GRIA1: variants seen among roughly 807,000 people sequenced by gnomAD.
GRIA1 encodes the protein glutamate ionotropic receptor AMPA type subunit 1, also known as glutamate receptor 1.
Under a neutral mutation model 99.2 loss-of-function variants are expected in GRIA1, and 31 were observed. The observed-to-expected ratio is 0.31, with a 90% confidence interval of 0.23 to 0.42. The LOEUF is 0.42. Ranked by LOEUF, GRIA1 falls within the 10% of genes least tolerant of loss-of-function variation. GRIA1 has a pLI of 1.00. For synonymous variants in GRIA1, 438 were observed against 432.4 expected (o/e 1.01, Z -0.16); for missense variants, 782 against 1,157.5 (o/e 0.68, Z 4.71).
chr5:153,756,630 A>T (rs1018548123), intron 11 of GRIA1, among the ~76,000 whole-genome samples: 1 of 152,158 alleles, frequency 6.6e-6, no homozygotes, highest in African/African-American at 2.4e-5. Flanking sequence ...TTTCCCATAC[A>T]GCTCCAGTAC....
intron 10 of GRIA1, among the ~76,000 whole-genome samples, chr5:153,701,930 A>G (rs1758563816): frequency 1.3e-5 from 2 of 152,280 alleles, no homozygotes; most frequent in African/African-American, 4.8e-5. Flanking sequence ...AGCGTGTGCC[A>G]GGTGCTATGT....
chr5:153,526,080 G>C (rs926486201), intron 2 of GRIA1, among the ~76,000 whole-genome samples: 3 of 152,206 alleles, frequency 2.0e-5, no homozygotes, highest in African/African-American at 4.8e-5. Flanking sequence ...CTAGATTTCA[G>C]CCTTGGCTAC....
At chr5:153,506,882 G>A (rs1454953527) in intron 2 of GRIA1, among the ~76,000 whole-genome samples, 2 of 152,214 alleles carry the variant, frequency 1.3e-5, no homozygotes, top group East Asian at 3.9e-4. Flanking sequence ...CAGCACTTTG[G>A]GAGGCCAAGG....
chr5:153,599,215 T>C (rs1254481667), intron 2 of GRIA1, among the ~76,000 whole-genome samples: 1 of 152,188 alleles, frequency 6.6e-6, no homozygotes, highest in Non-Finnish European at 1.5e-5. Flanking sequence ...TCCTTCCTTT[T>C]TGGCTGATTG....
intron 2 of GRIA1, among the ~76,000 whole-genome samples, chr5:153,641,009 C>G (rs1753743334): frequency 1.3e-5 from 2 of 152,102 alleles, no homozygotes; most frequent in African/African-American, 4.8e-5. Flanking sequence ...GACAGGCACT[C>G]TTATTGTCCT....
intron 2 of GRIA1, among the ~76,000 whole-genome samples, chr5:153,564,716 A>G (rs534073936): frequency 1.3e-5 from 2 of 152,206 alleles, no homozygotes; most frequent in Non-Finnish European, 2.9e-5. Context: ...AGCTATGTCA[A>G]CAATGGAAGA....
At chr5:153,593,101 AC>A (rs1435867733) in intron 2 of GRIA1, among the ~76,000 whole-genome samples, 3 of 152,142 alleles carry the variant, frequency 2.0e-5, no homozygotes, top group African/African-American at 7.2e-5. Context: ...CCCTGTCTTT[AC>A]TAAAAATACA....
chr5:153,596,241 A>G (rs2149391672), intron 2 of GRIA1, among the ~76,000 whole-genome samples: 1 of 152,302 alleles, frequency 6.6e-6, no homozygotes. Context: ...TCTTTTTGGA[A>G]TGTTTAAAAA....
At chr5:153,792,790 A>G (rs1291821740) in intron 13 of GRIA1, among the ~76,000 whole-genome samples, 1 of 152,112 alleles carries the variant, frequency 6.6e-6, no homozygotes, top group Non-Finnish European at 1.5e-5. Flanking sequence ...CAGAGAGAGA[A>G]AGACAGAGAG....
chr5:153,636,841 T>C (rs1753396681), intron 2 of GRIA1, among the ~76,000 whole-genome samples: 1 of 152,250 alleles, frequency 6.6e-6, no homozygotes, highest in South Asian at 2.1e-4. Context: ...TGTTGGCTGT[T>C]ATTATTATCC....
At chr5:153,580,666 G>A (rs28544355) in intron 2 of GRIA1, among the ~76,000 whole-genome samples, 2,018 of 152,242 alleles carry the variant, frequency 0.013, 48 homozygotes, top group African/African-American at 0.046. Flanking sequence ...TCAGATGCAG[G>A]ATGTTCATCT....
intron 2 of GRIA1, among the ~76,000 whole-genome samples, chr5:153,511,557 G>A (rs34708615): frequency 0.028 from 4,254 of 152,240 alleles, 74 homozygotes; most frequent in South Asian, 0.043. Flanking sequence ...CTCATTGTGT[G>A]TACCCAACAA....
At chr5:153,544,582 T>A (rs1371175246) in intron 2 of GRIA1, among the ~76,000 whole-genome samples, 1 of 152,172 alleles carries the variant, frequency 6.6e-6, no homozygotes. Context: ...CCAAATTACA[T>A]AGGATTGCAA....
chr5:153,496,549 G>C (rs549507765), intron 2 of GRIA1, among the ~76,000 whole-genome samples: 18 of 152,140 alleles, frequency 1.2e-4, no homozygotes, highest in Non-Finnish European at 1.5e-4. Context: ...GATCCCAAAG[G>C]GGGTACTGGG....
At chr5:153,723,705 T>G (rs1005461789) in intron 11 of GRIA1, among the ~76,000 whole-genome samples, 1 of 151,736 alleles carries the variant, frequency 6.6e-6, no homozygotes, top group Non-Finnish European at 1.5e-5. Context: ...GCCCCCGCCA[T>G]TGCCCAGGCT....
At chr5:153,561,304 A>C (rs1171106764) in intron 2 of GRIA1, among the ~76,000 whole-genome samples, 1 of 152,192 alleles carries the variant, frequency 6.6e-6, no homozygotes, top group East Asian at 1.9e-4. Context: ...GGCCAGGGTC[A>C]TGAAACTGGT....
chr5:153,729,543 T>A (rs1466610126), intron 11 of GRIA1, among the ~76,000 whole-genome samples: 1 of 151,968 alleles, frequency 6.6e-6, no homozygotes. Context: ...TCACAAATCA[T>A]CCAGCTCTCT....
intron 11 of GRIA1, among the ~76,000 whole-genome samples, chr5:153,720,012 A>G (rs953466338): frequency 6.6e-6 from 1 of 152,162 alleles, no homozygotes; most frequent in Non-Finnish European, 1.5e-5. Context: ...GTGTTTATTA[A>G]TTTTTTGTGT....
intron 2 of GRIA1, among the ~76,000 whole-genome samples, chr5:153,575,583 C>T (rs917818659): frequency 1.3e-5 from 2 of 152,060 alleles, no homozygotes; most frequent in Non-Finnish European, 2.9e-5. Flanking sequence ...GAGATTGAAA[C>T]CTAAAGAGGG....
Sources: allele counts gnomAD v4.1 joint callset (sites outside exome capture counted in the v4.1 genomes callset), GRCh38; gene constraint gnomAD v4.1.1; transcripts MANE v1.5; gene names NCBI Gene and HGNC (gene_info 2026-07-23, HGNC 2026-07-21).